The following HEMK2 variants were observed in gnomAD, a reference collection of about 807,000 sequenced individuals.
The protein encoded by HEMK2 is methyltransferase HEMK2.
At chr21:28,724,916 G>A in the HEMK2 span, among the ~76,000 whole-genome samples, 1 of 150,952 alleles carries the variant, frequency 6.6e-6, no homozygotes, top group Non-Finnish European at 1.5e-5. Context: ...TGAGTAGCTG[G>A]GACTACAGGT....
the HEMK2 span, chr21:28,885,175 C>T: frequency 6.6e-7 from 1 of 1,513,902 alleles, no homozygotes. Context: ...CAGAAAGCCG[C>T]AACCCTTTCC....
the HEMK2 span, among the ~76,000 whole-genome samples, chr21:28,698,670 A>G: frequency 4.6e-5 from 7 of 152,374 alleles, no homozygotes; most frequent in East Asian, 1.3e-3. Flanking sequence ...TACAAGGCTA[A>G]GAAAAACTAA....
the HEMK2 span, among the ~76,000 whole-genome samples, chr21:28,737,667 C>G: frequency 6.6e-6 from 1 of 151,792 alleles, no homozygotes; most frequent in African/African-American, 2.4e-5. Flanking sequence ...ACCAAGCTTA[C>G]GATGAAAATT....
At chr21:28,711,355 C>T in the HEMK2 span, among the ~76,000 whole-genome samples, 3 of 152,220 alleles carry the variant, frequency 2.0e-5, no homozygotes, top group East Asian at 5.8e-4. Context: ...TGTATCTCTG[C>T]TTGAGGGGGC....
chr21:28,582,932 A>AC, the HEMK2 span, among the ~76,000 whole-genome samples: 2 of 152,202 alleles, frequency 1.3e-5, no homozygotes, highest in African/African-American at 4.8e-5. Flanking sequence ...AGACAGTACA[A>AC]CCATCAGGGT....
the HEMK2 span, among the ~76,000 whole-genome samples, chr21:28,804,188 C>T: frequency 6.6e-6 from 1 of 151,966 alleles, no homozygotes; most frequent in Non-Finnish European, 1.5e-5. Flanking sequence ...TATGAAAAAC[C>T]TTTTTCCCAT....
At chr21:28,816,563 C>T in the HEMK2 span, among the ~76,000 whole-genome samples, 639 of 152,220 alleles carry the variant, frequency 4.2e-3, 2 homozygotes, top group African/African-American at 0.014. Flanking sequence ...CGCTTGTAGT[C>T]CCAGCTGCTT....
the HEMK2 span, among the ~76,000 whole-genome samples, chr21:28,850,464 T>A: frequency 1.4e-4 from 22 of 152,268 alleles, no homozygotes; most frequent in African/African-American, 5.3e-4. Flanking sequence ...GACCTCGTGA[T>A]CCGCCTGCCT....
chr21:28,751,234 G>GGAAAAAAA, the HEMK2 span, among the ~76,000 whole-genome samples: 1 of 125,392 alleles, frequency 8.0e-6, no homozygotes. Context: ...CTGTCTCAAT[G>GGAAAAAAA]AAAAAAAAAA....
the HEMK2 span, among the ~76,000 whole-genome samples, chr21:28,639,890 T>C: frequency 1.3e-5 from 2 of 152,166 alleles, no homozygotes; most frequent in African/African-American, 2.4e-5. Flanking sequence ...TACAAAGGCA[T>C]GCTAGGAGCA....
At chr21:28,702,312 A>C in the HEMK2 span, among the ~76,000 whole-genome samples, 13 of 150,416 alleles carry the variant, frequency 8.6e-5, no homozygotes, top group Admixed American at 6.6e-4. Context: ...ATTGCAACAA[A>C]AAAAAAAAAT....
the HEMK2 span, among the ~76,000 whole-genome samples, chr21:28,694,024 A>C: frequency 4.6e-5 from 7 of 152,360 alleles, no homozygotes; most frequent in Admixed American, 3.9e-4. Flanking sequence ...CAAAGCATTA[A>C]ATGATTACCA....
At chr21:28,808,940 C>G in the HEMK2 span, among the ~76,000 whole-genome samples, 2 of 152,064 alleles carry the variant, frequency 1.3e-5, no homozygotes, top group East Asian at 3.8e-4. Flanking sequence ...ACTCATTTTT[C>G]AAAGCACTCA....
At chr21:28,687,315 C>T in the HEMK2 span, among the ~76,000 whole-genome samples, 2 of 152,342 alleles carry the variant, frequency 1.3e-5, no homozygotes, top group Middle Eastern at 3.4e-3. Context: ...TTAGGGCACC[C>T]ACCTTGGACA....
the HEMK2 span, among the ~76,000 whole-genome samples, chr21:28,703,376 T>C: frequency 2.6e-5 from 4 of 151,354 alleles, no homozygotes; most frequent in Admixed American, 2.0e-4. Flanking sequence ...GCTGGACAGA[T>C]GGGGAGGGGA....
the HEMK2 span, among the ~76,000 whole-genome samples, chr21:28,633,665 A>C: frequency 5.3e-5 from 8 of 152,264 alleles, no homozygotes; most frequent in African/African-American, 1.9e-4. Context: ...AAGACACAAA[A>C]TCAACCTTCT....
At chr21:28,783,513 T>A in the HEMK2 span, among the ~76,000 whole-genome samples, 2 of 152,254 alleles carry the variant, frequency 1.3e-5, no homozygotes, top group Non-Finnish European at 2.9e-5. Flanking sequence ...TTTTTGTGCA[T>A]AAAACAAAGT....
chr21:28,883,383 ATTAATG>A, the HEMK2 span, among the ~76,000 whole-genome samples: 1 of 152,354 alleles, frequency 6.6e-6, no homozygotes, highest in African/African-American at 2.4e-5. Flanking sequence ...GGTTGGAAAT[ATTAATG>A]TGAAAGACAT....
At chr21:28,882,439 T>C in the HEMK2 span, among the ~76,000 whole-genome samples, 18 of 152,306 alleles carry the variant, frequency 1.2e-4, no homozygotes, top group South Asian at 2.5e-3. Context: ...GACTGTTATA[T>C]TGATACAATG....
Sources: gnomAD v4.1 joint callset for allele counts (sites outside exome capture counted in the v4.1 genomes callset) on GRCh38, gnomAD v4.1.1 for gene constraint, MANE v1.5 for transcripts, NCBI Gene and HGNC (gene_info 2026-07-23, HGNC 2026-07-21) for gene names.